The following IL12RB2 variants were observed in gnomAD, a reference collection of about 807,000 sequenced individuals.
IL12RB2 encodes interleukin 12 receptor subunit beta 2, also known as interleukin-12 receptor subunit beta-2.
In IL12RB2, 82 loss-of-function variants were observed where a neutral mutation model predicts 89.4. The observed-to-expected ratio is 0.92, with a 90% CI of 0.77 to 1.10. The LOEUF (loss-of-function observed/expected upper bound fraction) is 1.10, where lower values mean the gene tolerates loss of function less well. Among genes scored for constraint, IL12RB2 ranks in the 50% least tolerant of loss-of-function variants. IL12RB2 has a pLI of 0.00. For missense variants in IL12RB2, 963 were observed against 1,031.9 expected (o/e 0.93, Z 0.92); for synonymous variants, 368 against 370.1 (o/e 0.99, Z 0.07).
At chr1:67,384,157 TCTC>T in intron 14 of IL12RB2, among the ~76,000 whole-genome samples, 2 of 152,172 alleles carry the variant, frequency 1.3e-5, no homozygotes, top group Admixed American at 6.5e-5. Flanking sequence ...TAGCAGAGGT[TCTC>T]CATAAGGGCT....
At chr1:67,321,558 G>A in intron 3 of IL12RB2, 44 bp from the exon 4 acceptor site, 1 of 1,322,450 alleles carries the variant, frequency 7.6e-7, no homozygotes, top group Non-Finnish European at 1.1e-6. Context: ...TTTGAAATGG[G>A]TTTATTATCA....
At chr1:67,369,682 G>A (rs1570099458) in intron 11 of IL12RB2, among the ~76,000 whole-genome samples, 1 of 152,240 alleles carries the variant, frequency 6.6e-6, no homozygotes. Context: ...CAAGAGAGAT[G>A]TTTTCCATAC....
Position 67,374,648 on chromosome 1 carries a change from G to C in IL12RB2, c.1717+1865G>C, listed in dbSNP as rs183968591. On this transcript the variant is annotated intron_variant, in intron 13 of 16. Coordinates refer to ENST00000674203, the MANE Select transcript of IL12RB2 (RefSeq NM_001374259.2). ...GTACCACCATGCCCTGCTAATTTTT[G>C]TATTTTTAGTAGAGGAGGGGTTTCA... is the stretch of plus-strand genomic sequence containing the variant. Among the ~76,000 whole-genome samples the C allele has an allele frequency of 5.3e-5, 8 of 151,730 alleles. No individual in the cohort carries two copies. In the East Asian group the frequency reaches 1.6e-3, roughly 29 times the overall value.
chr1:67,349,010 T>C (rs548339187), intron 9 of IL12RB2, among the ~76,000 whole-genome samples: 1 of 152,292 alleles, frequency 6.6e-6, no homozygotes, highest in Admixed American at 6.5e-5. Context: ...GTCCATGCCC[T>C]CTGGAAATCT....
intron 4 of IL12RB2, among the ~76,000 whole-genome samples, chr1:67,324,380 G>T (rs937389041): frequency 6.6e-6 from 1 of 152,062 alleles, no homozygotes; most frequent in African/African-American, 2.4e-5. Flanking sequence ...GCACCACCAT[G>T]CCCGGCTAAT....
chr1:67,374,370 C>T (rs1346002819), intron 13 of IL12RB2, among the ~76,000 whole-genome samples: 5 of 152,134 alleles, frequency 3.3e-5, no homozygotes, highest in Admixed American at 3.3e-4. Flanking sequence ...TTGATCTCTT[C>T]TTCAGCCATC....
At chr1:67,389,901 C>T (rs1665618932) in intron 15 of IL12RB2, 128 bp from the exon 16 acceptor site, 1 of 686,628 alleles carries the variant, frequency 1.5e-6, no homozygotes, top group Non-Finnish European at 2.7e-6. Flanking sequence ...TCATCTTTGT[C>T]TTTCAGTGTT....
intron 14 of IL12RB2, among the ~76,000 whole-genome samples, chr1:67,382,996 T>C (rs1444569857): frequency 6.6e-6 from 1 of 152,194 alleles, no homozygotes; most frequent in Non-Finnish European, 1.5e-5. Flanking sequence ...TTTTCATACA[T>C]ATCCCATGTG....
rs760637182 is a variant in IL12RB2, at chr1:67,326,860, G to A, written c.479+11G>A. 4.2e-6 allele frequency: 6 copies of A among 1,419,378 alleles called. No individual in the cohort carries two copies. Among genetic ancestry groups the A allele is most frequent in the Non-Finnish European group, 5.6e-6 (6 of 1,071,820 alleles). 87.9% of individuals were successfully genotyped at this position (1,419,378 alleles called of 1,614,324 possible). On this transcript the variant is annotated intron_variant, in intron 5 of 16. Coordinates refer to ENST00000674203, the MANE Select transcript of IL12RB2 (RefSeq NM_001374259.2). ...TGAGTATACTCTACAGTGAGTGAGA[G>A]GCTGTATTTTTGCAGCTGTTTTGTA...
At chr1:67,321,286 G>C (rs1168726535) in intron 3 of IL12RB2, among the ~76,000 whole-genome samples, 2 of 152,078 alleles carry the variant, frequency 1.3e-5, no homozygotes, top group African/African-American at 4.8e-5. Context: ...TATAAGAGAG[G>C]CTGGTTTTTC....
chr1:67,336,688 A>C (rs6659932), intron 8 of IL12RB2, among the ~76,000 whole-genome samples: 124,071 of 152,176 alleles, frequency 0.82, 50,870 homozygotes, highest in East Asian at 0.95. Flanking sequence ...AGAAGGCCCA[A>C]CTGATGGGGG....
chr1:67,345,315 C>T (rs1429791720), intron 9 of IL12RB2, among the ~76,000 whole-genome samples: 3 of 152,178 alleles, frequency 2.0e-5, no homozygotes, highest in African/African-American at 4.8e-5. Flanking sequence ...TAGCAAGCCC[C>T]GTATACCAAT....
At chr1:67,376,196 G>T (rs1663970736) in intron 13 of IL12RB2, among the ~76,000 whole-genome samples, 1 of 152,086 alleles carries the variant, frequency 6.6e-6, no homozygotes, top group Non-Finnish European at 1.5e-5. Context: ...CTACTGCCTA[G>T]TAGTGTTTGC....
rs1253749914 is a variant in IL12RB2, at chr1:67,372,844, A to G, written c.1717+61A>G. The G allele has an allele frequency of 7.8e-6, 9 of 1,147,062 alleles. No individual in the cohort carries two copies. In the African/African-American group the frequency reaches 1.1e-4, roughly 14 times the overall value. The allele number at this position is 1,147,062 out of a possible 1,614,324, so 71.1% of individuals were successfully genotyped here. On this transcript the variant is annotated intron_variant, in intron 13 of 16. Coordinates refer to ENST00000674203, the MANE Select transcript of IL12RB2 (RefSeq NM_001374259.2). ...TCTTGTTTGGATGTCAGGAAAACAC[A>G]AGGAGGTGTGTGTGCACATCTACAC...
At chr1:67,326,179 A>G (rs72931067) in intron 4 of IL12RB2, among the ~76,000 whole-genome samples, 2 of 152,324 alleles carry the variant, frequency 1.3e-5, no homozygotes, top group Admixed American at 6.5e-5. Flanking sequence ...AGCAAATATC[A>G]GGTGAAGAAA....
chr1:67,317,623 A>G (rs1256067962), intron 2 of IL12RB2, among the ~76,000 whole-genome samples: 1 of 152,186 alleles, frequency 6.6e-6, no homozygotes, highest in African/African-American at 2.4e-5. Context: ...TGTCTTTGCC[A>G]TGTAGGGTAA....
At chr1:67,366,868 G>A (rs578157991) in intron 10 of IL12RB2, among the ~76,000 whole-genome samples, 242 of 151,988 alleles carry the variant, frequency 1.6e-3, no homozygotes, top group African/African-American at 5.6e-3. Context: ...AAAATGAGTC[G>A]GATTTACATA....
intron 14 of IL12RB2, 62 bp from the exon 15 acceptor site, chr1:67,386,517 C>A: frequency 8.7e-7 from 1 of 1,151,166 alleles, no homozygotes; most frequent in South Asian, 1.2e-5. Context: ...ATACACCAAT[C>A]AGGATTTTGA....
In IL12RB2 at chr1:67,342,619, G is replaced by A. The variant is rs543852326; in HGVS notation, c.1038+3916G>A. Reference sequence around the variant, plus strand: ...TGTGTGTATGTATGAATGGGTGCATGTGTCAGTGTGTGAGGATGTGAGGAT... The same window carrying A: ...TGTGTGTATGTATGAATGGGTGCATATGTCAGTGTGTGAGGATGTGAGGAT... On this transcript the variant is annotated intron_variant, in intron 9 of 16. Transcript: ENST00000674203. Among the ~76,000 whole-genome samples, 6 of 152,182 alleles carry A rather than the reference G, an allele frequency of 3.9e-5. No individual in the cohort carries two copies. The South Asian group carries it at 1.2e-3, about 32-fold the overall frequency.
Sources: gnomAD v4.1 joint callset for allele counts (sites outside exome capture counted in the v4.1 genomes callset) on GRCh38, gnomAD v4.1.1 for gene constraint, MANE v1.5 for transcripts, NCBI Gene and HGNC (gene_info 2026-07-23, HGNC 2026-07-21) for gene names.